The following PPP2R2D variants were observed in gnomAD, a reference collection of about 807,000 sequenced individuals.
PPP2R2D encodes the protein serine/threonine-protein phosphatase 2A 55 kDa regulatory subunit B delta isoform.
A neutral mutation model predicts 31.1 loss-of-function variants in PPP2R2D; 9 were observed. The observed-to-expected ratio is 0.29, with a 90% confidence interval of 0.17 to 0.51. The LOEUF is 0.51. PPP2R2D is among the 20% of genes least tolerant of loss of function. PPP2R2D has a pLI of 0.98. For synonymous variants in PPP2R2D, 179 were observed against 172.6 expected (o/e 1.04, Z -0.29); for missense variants, 391 against 465.6 (o/e 0.84, Z 1.48).
downstream of PPP2R2D, among the ~76,000 whole-genome samples, chr10:131,960,843 G>A (rs139136307): frequency 6.8e-3 from 1,042 of 152,298 alleles, 13 homozygotes; most frequent in African/African-American, 0.024. Flanking sequence ...GCAGGAGTCC[G>A]GGCTGTGCTG....
At chr10:131,962,274 C>G (rs1341464511), downstream of PPP2R2D, among the ~76,000 whole-genome samples, 1 of 152,152 alleles carries the variant, frequency 6.6e-6, no homozygotes, top group Non-Finnish European at 1.5e-5. Flanking sequence ...GTCATCATCA[C>G]GCACGGGAAA....
In PPP2R2D at chr10:131,956,318, TTC is replaced by T. The variant is rs372878180; in HGVS notation, c.*358_*359del. On this transcript the variant is annotated 3_prime_UTR_variant, in exon 9 of 9. Transcript: ENST00000455566. The stretch of plus-strand genomic sequence containing the variant: ...AAAAGTTATTGTCAGATACCGCTCT[TTC>T]TCCAACTTTCCCTCTTTCTCTGCCA... 256 of 997,922 alleles carry T rather than the reference TTC, an allele frequency of 2.6e-4. No individual in the cohort carries two copies. In the African/African-American group the frequency reaches 4.0e-3, roughly 15 times the overall value. 61.8% of individuals were successfully genotyped at this position (997,922 alleles called of 1,614,324 possible). A position where few individuals can be genotyped will look rare whatever the true frequency, so the allele number is the denominator to read the frequency against.
At chr10:131,916,785 G>A (rs191466056) in intron 2 of PPP2R2D, among the ~76,000 whole-genome samples, 1,599 of 125,404 alleles carry the variant, frequency 0.013, 28 homozygotes, top group African/African-American at 0.045. Flanking sequence ...GGGACCTCAC[G>A]CAGGTGGAAT....
intron 3 of PPP2R2D, 47 bp downstream of exon 3, chr10:131,934,602 C>T (rs782661057): frequency 3.9e-5 from 30 of 760,392 alleles, no homozygotes; most frequent in African/African-American, 1.7e-4. Flanking sequence ...TTCAACCTTT[C>T]GCATATAACT....
At position 131,930,570 on chromosome 10, in the gene PPP2R2D, G is replaced by GT. The variant is rs1267250571; in HGVS notation, c.101-3884dup. Reference sequence around the variant, plus strand: ...GGTCTAGCATTTCAGGTTGAAAATTGTTTTCTCCCAGAATTTTGAGGGTAG... The same window carrying GT: ...GGTCTAGCATTTCAGGTTGAAAATTGTTTTTCTCCCAGAATTTTGAGGGTAG... On this transcript the variant is annotated intron_variant, in intron 2 of 8. Transcript: ENST00000455566. Among the ~76,000 whole-genome samples the GT allele has an allele frequency of 7.8e-4, 119 of 152,334 alleles. 1 individual carries two copies. The highest frequency in any genetic ancestry group is 3.9e-4 in the East Asian group (2 of 5,180).
At position 131,956,926 on chromosome 10, in the gene PPP2R2D, C is replaced by T. The variant is rs992097831; in HGVS notation, c.*963C>T. On this transcript the variant is annotated 3_prime_UTR_variant, in exon 9 of 9. Coordinates refer to ENST00000455566, the MANE Select transcript of PPP2R2D (RefSeq NM_018461.5). ...GGGAAAGTATACTTTTTAAACATTG[C>T]TAAAATTACATGCATGCTAAATTTC... 5 of 152,182 alleles carry T rather than the reference C, an allele frequency of 3.3e-5. No homozygotes were observed. Among genetic ancestry groups the T allele is most frequent in the African/African-American group, 1.2e-4 (5 of 41,430 alleles). The allele number at this position is 152,182 out of a possible 1,614,324, so 9.4% of individuals were successfully genotyped here. A position where few individuals can be genotyped will look rare whatever the true frequency, so the allele number is the denominator to read the frequency against.
rs2036520389 is a variant in PPP2R2D, at chr10:131,945,470, C to T, written c.820+11C>T. 3.1e-6 allele frequency: 5 copies of T among 1,595,424 alleles called. No individual in the cohort carries two copies. The highest frequency in any genetic ancestry group is 4.3e-6 in the Non-Finnish European group (5 of 1,167,372). ...ACAGACACTCCAAGTGTAAGTGCGT[C>T]TGTTGTTGAGATGGAGTCTGGCTCT... On this transcript the variant is annotated intron_variant, in intron 7 of 8. Coordinates refer to ENST00000455566, the MANE Select transcript of PPP2R2D (RefSeq NM_018461.5). The surrounding 1 kb of genome is among the most constrained non-coding windows in gnomAD (Gnocchi z 4.8).
chr10:131,941,554 G>A (rs1554897250), intron 5 of PPP2R2D, among the ~76,000 whole-genome samples: 2 of 152,096 alleles, frequency 1.3e-5, no homozygotes, highest in African/African-American at 4.8e-5. Context: ...TTTGGTTGCG[G>A]GGGGTGGGTG....
intron 2 of PPP2R2D, among the ~76,000 whole-genome samples, chr10:131,903,357 C>A (rs1379883846): frequency 1.3e-5 from 2 of 151,268 alleles, no homozygotes; most frequent in Non-Finnish European, 2.9e-5. Flanking sequence ...ATCCCAGCTA[C>A]CTGGGAGGCT....
intron 3 of PPP2R2D, among the ~76,000 whole-genome samples, chr10:131,937,454 C>G (rs2036364462): frequency 6.6e-6 from 1 of 152,188 alleles, no homozygotes; most frequent in Non-Finnish European, 1.5e-5. Flanking sequence ...GTGTTACTTC[C>G]CTGCTCTCCT....
chr10:131,960,477 ACT>A (rs1454157765), downstream of PPP2R2D, among the ~76,000 whole-genome samples: 4 of 152,144 alleles, frequency 2.6e-5, no homozygotes, highest in Non-Finnish European at 5.9e-5. Context: ...TCGTGGACAG[ACT>A]CAGTCTGATT....
chr10:131,966,919 C>T, the PPP2R2D span: 1 of 148,014 alleles, frequency 6.8e-6, no homozygotes, highest in Admixed American at 6.8e-5. Flanking sequence ...CTCGTTCTCC[C>T]TCCCAGGCTG....
intron 2 of PPP2R2D, among the ~76,000 whole-genome samples, chr10:131,903,689 C>G (rs2035537952): frequency 6.6e-6 from 1 of 152,116 alleles, no homozygotes. Context: ...CTATTTTAAT[C>G]CATGTATGCT....
intron 8 of PPP2R2D, among the ~76,000 whole-genome samples, chr10:131,948,617 CA>C (rs2036584090): frequency 6.6e-6 from 1 of 152,220 alleles, no homozygotes; most frequent in Admixed American, 6.5e-5. Context: ...ACCAGAATGG[CA>C]GCCTCTGAAG....
chr10:131,909,798 T>C (rs1230228882), intron 2 of PPP2R2D, among the ~76,000 whole-genome samples: 1 of 152,268 alleles, frequency 6.6e-6, no homozygotes, highest in African/African-American at 2.4e-5. Context: ...GTTGATGTTT[T>C]CTATATTTGA....
intron 2 of PPP2R2D, among the ~76,000 whole-genome samples, chr10:131,931,321 T>C (rs1554895660): frequency 1.3e-5 from 2 of 152,228 alleles, no homozygotes; most frequent in African/African-American, 4.8e-5. Context: ...CGTCTCTCTT[T>C]GTTCAGATTC....
chr10:131,914,075 G>C (rs1173923666), intron 2 of PPP2R2D, among the ~76,000 whole-genome samples: 2 of 152,186 alleles, frequency 1.3e-5, no homozygotes, highest in African/African-American at 4.8e-5. Flanking sequence ...CAGGTTTGCT[G>C]ATAATTAGCA....
chr10:131,940,403 C>T (rs782789151), intron 4 of PPP2R2D, among the ~76,000 whole-genome samples, 179 bp from the exon 5 acceptor site: 2 of 152,134 alleles, frequency 1.3e-5, no homozygotes, highest in Non-Finnish European at 2.9e-5. Context: ...TTACTCTGCA[C>T]GTCTGCACAT....
chr10:131,908,675 T>A (rs2035635915), intron 2 of PPP2R2D, among the ~76,000 whole-genome samples: 1 of 152,258 alleles, frequency 6.6e-6, no homozygotes. Flanking sequence ...AAACGGGTAC[T>A]ATTACTTGTG....
Sources: gnomAD v4.1 joint callset for allele counts (sites outside exome capture counted in the v4.1 genomes callset) on GRCh38, gnomAD v4.1.1 for gene constraint, Gnocchi (gnomAD v3.1) non-coding constraint, MANE v1.5 for transcripts, NCBI Gene and HGNC (gene_info 2026-07-23, HGNC 2026-07-21) for gene names.